Variants in SEL1L2 observed in about 807,000 individuals in gnomAD.
SEL1L2 encodes SEL1L2 adaptor subunit of SYVN1 ubiquitin ligase.
In SEL1L2, 89 loss-of-function variants were observed where a neutral mutation model predicts 98.8. The ratio of observed to expected loss-of-function variants is 0.90; its 90% CI spans 0.76 to 1.07. The LOEUF is 1.07. Ranked by LOEUF, SEL1L2 falls within the 50% of genes least tolerant of loss-of-function variation. The pLI, the probability that SEL1L2 is intolerant of heterozygous loss-of-function variation, is 0.00. For synonymous variants in SEL1L2, 262 were observed against 278.5 expected (o/e 0.94, Z 0.59); for missense variants, 788 against 812.0 (o/e 0.97, Z 0.36).
intron 17 of SEL1L2, among the ~76,000 whole-genome samples, chr20:13,861,140 T>TGG (rs1990065299): frequency 1.3e-5 from 2 of 152,188 alleles, no homozygotes; most frequent in Non-Finnish European, 2.9e-5. Flanking sequence ...TCCAACCCGT[T>TGG]CTTCACACAA....
At chr20:13,947,055 C>T (rs1014129701) in intron 2 of SEL1L2, among the ~76,000 whole-genome samples, 3 of 152,178 alleles carry the variant, frequency 2.0e-5, no homozygotes, top group Non-Finnish European at 2.9e-5. Flanking sequence ...AGACAGGCTC[C>T]TGGGTGGAAA....
chr20:13,865,194 G>C lies in SEL1L2; in HGVS notation c.1618C>G (p.Leu540Val). Residue 540 changes from leucine (L) to valine (V), a missense_variant, in exon 17 of 20, where the codon CTC (leucine) becomes GTC (valine). Physicochemically the swap from Leu to Val is conservative, Grantham distance 32. Coordinates refer to ENST00000284951, the MANE Select transcript of SEL1L2 (RefSeq NM_025229.2). ...TGAATGGCAGCTCGATTCCATAGGA[G>C]AAGCGCCATTGGATACATCTTCTCT... is the stretch of plus-strand genomic sequence containing the variant. ...EKEKMYPMALLLWNRAAIQGN... is the reference protein window; with the variant it reads ...EKEKMYPMALVLWNRAAIQGN... 1 of 1,613,540 alleles carries C rather than the reference G, an allele frequency of 6.2e-7. No homozygotes were observed. Among genetic ancestry groups the C allele is most frequent in the Non-Finnish European group, 8.5e-7 (1 of 1,179,566 alleles).
chr20:13,909,106 G>GCT (rs956733121), intron 5 of SEL1L2, among the ~76,000 whole-genome samples: 166 of 148,580 alleles, frequency 1.1e-3, no homozygotes, highest in African/African-American at 4.0e-3. Context: ...TCTCAGTCTC[G>GCT]CTCTCTCTCT....
At chr20:13,987,329 T>G (rs2423768) in intron 1 of SEL1L2, among the ~76,000 whole-genome samples, 110,745 of 123,982 alleles carry the variant, frequency 0.89, 49,530 homozygotes, top group South Asian at 0.93. Context: ...TTTTTTTTTT[T>G]TTGTTGTTGT....
rs552309445 is a variant in SEL1L2, at chr20:13,884,837, A to G, written c.957+510T>C. 3.3e-5 allele frequency among the ~76,000 whole-genome samples: 5 copies of G among 152,256 alleles called. No homozygotes were observed. In the East Asian group the frequency reaches 7.7e-4, roughly 24 times the overall value. On this transcript the variant is annotated intron_variant, in intron 10 of 19. Coordinates refer to ENST00000284951, the MANE Select transcript of SEL1L2 (RefSeq NM_025229.2). ...ATTAACCTTTTAACCTCACTGGGAT[A>G]AGGTAAGGTTAAGCAAAATGATTGA...
chr20:13,954,905 A>G (rs2050451738), intron 2 of SEL1L2, among the ~76,000 whole-genome samples: 1 of 152,218 alleles, frequency 6.6e-6, no homozygotes, highest in Non-Finnish European at 1.5e-5. Context: ...TTCTGCTAAT[A>G]ACAATCCCAC....
At chr20:13,932,517 C>T (rs2049195907) in intron 2 of SEL1L2, among the ~76,000 whole-genome samples, 1 of 151,902 alleles carries the variant, frequency 6.6e-6, no homozygotes, top group East Asian at 1.9e-4. Flanking sequence ...CTGCAACCTT[C>T]GCCTCCCGGG....
chr20:13,863,522 G>T (rs1327072991), intron 17 of SEL1L2, among the ~76,000 whole-genome samples: 2 of 152,192 alleles, frequency 1.3e-5, no homozygotes, highest in African/African-American at 4.8e-5. Context: ...AGTATGGCCA[G>T]TGACTAATTG....
At chr20:13,904,485 G>A (rs972925975) in intron 5 of SEL1L2, among the ~76,000 whole-genome samples, 33 of 152,146 alleles carry the variant, frequency 2.2e-4, no homozygotes, top group African/African-American at 6.5e-4. Flanking sequence ...ATGAGATGGC[G>A]CCACTCTACT....
upstream of SEL1L2, among the ~76,000 whole-genome samples, chr20:13,992,812 G>A (rs2052568717): frequency 6.6e-6 from 1 of 152,098 alleles, no homozygotes; most frequent in Admixed American, 6.5e-5. Flanking sequence ...CTACCTTCTT[G>A]CTGTGTCCTC....
At chr20:13,934,775 G>GT (rs1033332055) in intron 2 of SEL1L2, among the ~76,000 whole-genome samples, 28 of 150,030 alleles carry the variant, frequency 1.9e-4, no homozygotes, top group Non-Finnish European at 3.0e-4. Flanking sequence ...GCCAACATCT[G>GT]TTTTTTTTTA....
In SEL1L2 at chr20:13,869,655, C is replaced by T. The variant is rs1167560257; in HGVS notation, c.1168-65G>A. 6.5e-6 allele frequency: 8 copies of T among 1,238,182 alleles called. No homozygotes were observed. In the African/African-American group the frequency reaches 1.0e-4, roughly 16 times the overall value. 76.7% of individuals were successfully genotyped at this position (1,238,182 alleles called of 1,614,324 possible). ...AAAACTCCATGGAAACAATTGCCTT[C>T]CACTTCTTAAAAAGAGTATAGACAG... is the stretch of plus-strand genomic sequence containing the variant. On this transcript the variant is annotated intron_variant, in intron 13 of 19. Transcript: ENST00000284951.
At chr20:13,876,543 A>G (rs1331953815) in intron 11 of SEL1L2, among the ~76,000 whole-genome samples, 1 of 151,878 alleles carries the variant, frequency 6.6e-6, no homozygotes, top group Non-Finnish European at 1.5e-5. Context: ...ATAGTCTTTG[A>G]AGGAGACAGA....
intron 18 of SEL1L2, among the ~76,000 whole-genome samples, chr20:13,856,371 C>A (rs1989161920): frequency 6.6e-6 from 1 of 152,194 alleles, no homozygotes; most frequent in South Asian, 2.1e-4. Flanking sequence ...CTCAAGTGAT[C>A]TGCCCACCTC....
At chr20:13,946,082 G>A (rs1286066248) in intron 2 of SEL1L2, among the ~76,000 whole-genome samples, 1 of 152,110 alleles carries the variant, frequency 6.6e-6, no homozygotes, top group Non-Finnish European at 1.5e-5. Context: ...GATACCCACT[G>A]TTAACTGCTT....
chr20:13,868,368 A>G (rs956635843), intron 14 of SEL1L2, among the ~76,000 whole-genome samples: 6 of 152,000 alleles, frequency 3.9e-5, no homozygotes, highest in Admixed American at 1.3e-4. Context: ...ATCAATTATA[A>G]TTATGCTCAG....
chr20:13,955,914 G>A (rs943183963), intron 2 of SEL1L2, among the ~76,000 whole-genome samples, 162 bp downstream of exon 2: 1 of 151,760 alleles, frequency 6.6e-6, no homozygotes, highest in Non-Finnish European at 1.5e-5. Flanking sequence ...ATCCTCTCAC[G>A]GTTGACTAAG....
chr20:13,974,510 A>T (rs1313249470), intron 1 of SEL1L2, among the ~76,000 whole-genome samples: 2 of 90,160 alleles, frequency 2.2e-5, no homozygotes, highest in Admixed American at 1.8e-4. Context: ...ACAGAGTCTT[A>T]CTCTGTCCCC....
chr20:13,982,446 G>A (rs994992920), intron 1 of SEL1L2, among the ~76,000 whole-genome samples: 1 of 145,188 alleles, frequency 6.9e-6, no homozygotes, highest in Non-Finnish European at 1.5e-5. Flanking sequence ...GGGAAGTCGA[G>A]CCTATAGTGA....
Sources: gnomAD v4.1 joint callset for allele counts (sites outside exome capture counted in the v4.1 genomes callset) on GRCh38, gnomAD v4.1.1 for gene constraint, MANE v1.5 for transcripts, NCBI Gene and HGNC (gene_info 2026-07-23, HGNC 2026-07-21) for gene names.